The following CFAP69 variants were observed in gnomAD, a reference collection of about 807,000 sequenced individuals.
The protein encoded by CFAP69 is cilia- and flagella-associated protein 69.
In CFAP69, 92 loss-of-function variants were observed where a neutral mutation model predicts 123.0. That is an observed-to-expected ratio of 0.75 (90% confidence interval 0.63 to 0.89). The LOEUF (loss-of-function observed/expected upper bound fraction) is 0.89. Ranked by LOEUF, CFAP69 falls within the 40% of genes least tolerant of loss-of-function variation. CFAP69 has a pLI of 0.00. For synonymous variants in CFAP69, 380 were observed against 364.3 expected (o/e 1.04, Z -0.49); for missense variants, 1,067 against 1,096.9 (o/e 0.97, Z 0.39).
chr7:90,260,775 C>T (rs1165373406), intron 3 of CFAP69, among the ~76,000 whole-genome samples: 1 of 151,646 alleles, frequency 6.6e-6, no homozygotes, highest in Admixed American at 6.6e-5. Flanking sequence ...CCTGACATCT[C>T]AACACCTCCA....
Position 90,277,319 on chromosome 7 carries a change from T to C in CFAP69, c.1140T>C (p.Asp380=), listed in dbSNP as rs947316237. The change falls in exon 11 of 23, where the codon GAT becomes GAC. Residue 380 remains aspartate, a synonymous_variant. Coordinates refer to ENST00000389297, the MANE Select transcript of CFAP69 (RefSeq NM_001039706.3). ...LFNVIVILCK[D]LPTVQLLIDG... ...ACGTAATTGTGATCTTATGTAAAGA[T>C]TTACCTACTGTACAGGTAAAGAGTA... 6.4e-7 allele frequency: 1 copy of C among 1,570,444 alleles called. No individual in the cohort carries two copies. Among genetic ancestry groups the C allele is most frequent in the Non-Finnish European group, 8.6e-7 (1 of 1,162,532 alleles).
rs1792559265 is a variant in CFAP69, at chr7:90,300,066, A to G, written c.2050+7A>G. ...AAAAATGGGAAGATCATTGGTGAGTATATTTATAATTGTTAGTAGAAGCAA... is the reference window on the plus strand; with the variant it reads ...AAAAATGGGAAGATCATTGGTGAGTGTATTTATAATTGTTAGTAGAAGCAA... On this transcript the variant is annotated splice_region_variant and intron_variant, in intron 17 of 22. Coordinates refer to ENST00000389297, the MANE Select transcript of CFAP69 (RefSeq NM_001039706.3). 1 of 1,542,120 alleles carries G rather than the reference A, an allele frequency of 6.5e-7. No individual in the cohort carries two copies. The highest frequency in any genetic ancestry group is 1.4e-5 in the African/African-American group (1 of 71,554).
chr7:90,277,038 T>C (rs189490473), intron 9 of CFAP69, 35 bp from the exon 10 acceptor site: 2 of 1,432,484 alleles, frequency 1.4e-6, no homozygotes, highest in Admixed American at 2.3e-5. Flanking sequence ...ATCTTATTCA[T>C]TCATCTTTCT....
chr7:90,289,799 A>G (rs1033763976), intron 15 of CFAP69, among the ~76,000 whole-genome samples: 1 of 152,182 alleles, frequency 6.6e-6, no homozygotes, highest in Non-Finnish European at 1.5e-5. Context: ...ATTTGTATGT[A>G]TGGTGTAAGG....
chr7:90,270,120 T>C (rs886808250), intron 6 of CFAP69: 4 of 152,188 alleles, frequency 2.6e-5, no homozygotes, highest in East Asian at 1.9e-4. Flanking sequence ...GTGATGGGTA[T>C]GGCCAGACAT....
At chr7:90,272,423 G>T (rs1338359494) in intron 8 of CFAP69, among the ~76,000 whole-genome samples, 2 of 152,100 alleles carry the variant, frequency 1.3e-5, no homozygotes, top group Non-Finnish European at 2.9e-5. Context: ...TATTGTCTCT[G>T]CTTTCGTGGA....
At chr7:90,266,440 A>G (rs181738353) in intron 5 of CFAP69, among the ~76,000 whole-genome samples, 1 of 152,276 alleles carries the variant, frequency 6.6e-6, no homozygotes, top group African/African-American at 2.4e-5. Flanking sequence ...TGAGAAGCCA[A>G]CCCAAAAGAG....
intron 4 of CFAP69, among the ~76,000 whole-genome samples, chr7:90,262,412 T>C (rs1052037913): frequency 6.6e-6 from 1 of 152,150 alleles, no homozygotes; most frequent in Non-Finnish European, 1.5e-5. Context: ...TCTCTGTCTT[T>C]AGAAAATTTG....
At chr7:90,318,244 A>G in the CFAP69 span, 1 of 152,172 alleles carries the variant, frequency 6.6e-6, no homozygotes, top group Admixed American at 6.5e-5. Context: ...AAAGCTTCAC[A>G]TCCTTTTTGA....
Position 90,304,091 on chromosome 7 carries a change from A to G in CFAP69, c.2173A>G (p.Ile725Val), listed in dbSNP as rs1318407092. 3.2e-6 allele frequency: 5 copies of G among 1,549,916 alleles called. No individual in the cohort carries two copies. Among genetic ancestry groups the G allele is most frequent in the Middle Eastern group, 1.7e-4 (1 of 5,982 alleles). The stretch of plus-strand genomic sequence containing the variant: ...GAATATTAGAGCAAAAATTTATGCT[A>G]TATTGGGCAAACTAGGTAAGAAGTT... ...SENIRAKIYA[I>V]LGKLDFENLP... Residue 725 changes from isoleucine to valine, a missense_variant, in exon 18 of 23, where the codon ATA becomes GTA. By Grantham distance (29) the Ile-to-Val change is conservative (BLOSUM62 3). Coordinates refer to ENST00000389297, the MANE Select transcript of CFAP69 (RefSeq NM_001039706.3).
downstream of CFAP69, among the ~76,000 whole-genome samples, chr7:90,315,953 G>A (rs1048430829): frequency 1.3e-5 from 2 of 152,074 alleles, no homozygotes; most frequent in African/African-American, 4.8e-5. Flanking sequence ...AATTAGCTGG[G>A]CATGGTGGCA....
chr7:90,316,026 G>A (rs575129124), downstream of CFAP69, among the ~76,000 whole-genome samples: 339 of 152,258 alleles, frequency 2.2e-3, 1 homozygote, highest in Middle Eastern at 3.4e-3. Context: ...CCCGGGAGGC[G>A]GAGGCTGCAG....
At chr7:90,258,070 A>G (rs939563000) in intron 2 of CFAP69, 28 bp from the exon 3 acceptor site, 3 of 1,561,084 alleles carry the variant, frequency 1.9e-6, no homozygotes, top group Non-Finnish European at 1.7e-6. Context: ...AAAAGCACAA[A>G]AGAACTAAAA....
rs780679105 is a variant in CFAP69 at position 90,245,192 on chromosome 7, G to A, written c.-233G>A. The A allele has an allele frequency of 6.7e-6, 3 of 446,404 alleles. No individual in the cohort carries two copies. Among genetic ancestry groups the A allele is most frequent in the Non-Finnish European group, 1.1e-5 (3 of 267,432 alleles). The allele number at this position is 446,404 out of a possible 1,614,324, so 27.7% of individuals were successfully genotyped here. A position where few individuals can be genotyped will look rare whatever the true frequency, so the allele number is the denominator to read the frequency against. ...GCCCCCTAGCAACGCGCTGGCTTGT[G>A]TTAACAACCGGCCCGGGATCAGAGG... On this transcript the variant is annotated 5_prime_UTR_variant, in exon 1 of 23. Transcript: ENST00000389297.
chr7:90,265,355 T>G lies in CFAP69; in HGVS notation c.411T>G (p.Thr137=), dbSNP rs775416209. 75 of 1,611,166 alleles carry G rather than the reference T, an allele frequency of 4.7e-5. No individual in the cohort carries two copies. The highest frequency in any genetic ancestry group is 6.1e-5 in the Non-Finnish European group (72 of 1,178,050). Residue 137 remains threonine (T), a synonymous_variant, in exon 5 of 23, where the codon ACT becomes ACG. Transcript: ENST00000389297. Reference sequence around the variant, plus strand: ...ATGAAATAACTTATGCTGAAGATACTGCTAATTCAATTGCACTTCTGGGTA... The same window carrying G: ...ATGAAATAACTTATGCTGAAGATACGGCTAATTCAATTGCACTTCTGGGTA... ...VSDEITYAED[T]ANSIALLGDL...
chr7:90,292,602 T>C (rs182335396), intron 15 of CFAP69, among the ~76,000 whole-genome samples: 138 of 152,256 alleles, frequency 9.1e-4, no homozygotes, highest in African/African-American at 3.1e-3. Context: ...TCTGGAGAAA[T>C]TGGGTAGAAA....
At chr7:90,277,630 A>G (rs1412477137) in intron 11 of CFAP69, among the ~76,000 whole-genome samples, 2 of 152,180 alleles carry the variant, frequency 1.3e-5, no homozygotes. Context: ...AGCTTCACAT[A>G]GGCCCATTCC....
chr7:90,297,781 A>G lies in CFAP69; in HGVS notation c.1808A>G (p.Asp603Gly). 1.3e-6 allele frequency: 2 copies of G among 1,574,064 alleles called. No homozygotes were observed. The highest frequency in any genetic ancestry group is 4.2e-5 in the Admixed American group (2 of 47,372). ...ATTTTGGGATGTTATCCCTCAGAGG[A>G]TTATTTTCTTGAAAAGGAAGGCATT... ...CCILGCYPSE[D>G]YFLEKEGIFL... is the part of the protein sequence containing the mutation. The change falls in exon 16 of 23, where the codon GAT becomes GGT. Residue 603 changes from aspartate to glycine, a missense_variant. Physicochemically the swap from Asp to Gly is moderately conservative, Grantham distance 94. Transcript: ENST00000389297.
rs1562844338 is a variant in CFAP69, at chr7:90,258,175, A to C, written c.246+12A>C. ...ATCAGAATGGACTTGTATCCTTTAC[A>C]TATATATGTATGTTCATTTCATTTA... On this transcript the variant is annotated intron_variant, in intron 3 of 22. Transcript: ENST00000389297. 6.6e-7 allele frequency: 1 copy of C among 1,514,622 alleles called. No homozygotes were observed. The highest frequency in any genetic ancestry group is 1.2e-5 in the South Asian group (1 of 84,242). The allele number at this position is 1,514,622 out of a possible 1,614,324, so 93.8% of individuals were successfully genotyped here.
Sources: gnomAD v4.1 joint callset for allele counts (sites outside exome capture counted in the v4.1 genomes callset) on GRCh38, gnomAD v4.1.1 for gene constraint, MANE v1.5 for transcripts, NCBI Gene and HGNC (gene_info 2026-07-23, HGNC 2026-07-21) for gene names.